Variants in TRMT11 observed in about 807,000 individuals in gnomAD.
The protein encoded by TRMT11 is tRNA methyltransferase 11, also known as tRNA (guanine(10)-N(2))-methyltransferase TRMT11.
In TRMT11, 53 loss-of-function variants were observed where a neutral mutation model predicts 62.8. The ratio of observed to expected loss-of-function variants is 0.84; its 90% CI spans 0.68 to 1.06. The LOEUF (loss-of-function observed/expected upper bound fraction) is 1.06. Ranked by LOEUF, TRMT11 falls within the 50% of genes least tolerant of loss-of-function variation. The pLI is 0.00. For synonymous variants in TRMT11, 188 were observed against 190.3 expected (o/e 0.99, Z 0.10); for missense variants, 556 against 553.4 (o/e 1.00, Z -0.05).
chr6:126,095,556 A>T (rs1777330623), intron 17 of TRMT11, among the ~76,000 whole-genome samples: 1 of 152,150 alleles, frequency 6.6e-6, no homozygotes, highest in South Asian at 2.1e-4. Flanking sequence ...AGATCACGTT[A>T]TTCAGTCAGC....
downstream of TRMT11, among the ~76,000 whole-genome samples, chr6:126,039,940 T>G (rs1428291153): frequency 6.6e-6 from 1 of 152,136 alleles, no homozygotes; most frequent in Non-Finnish European, 1.5e-5. Context: ...TCTCTTTTTC[T>G]TGTCTTGCAG....
At chr6:126,135,732 G>GC (rs1298142396) in intron 21 of TRMT11, among the ~76,000 whole-genome samples, 1 of 151,338 alleles carries the variant, frequency 6.6e-6, no homozygotes, top group Non-Finnish European at 1.5e-5. Context: ...AAGCAAAAAT[G>GC]CCCCCAAAAA....
At chr6:126,185,240 G>A (rs768647900) in intron 1 of TRMT11, among the ~76,000 whole-genome samples, 1 of 152,130 alleles carries the variant, frequency 6.6e-6, no homozygotes, top group Non-Finnish European at 1.5e-5. Context: ...AGAGTCAGTA[G>A]GACTAGTATA....
At chr6:126,228,241 G>A in the TRMT11 span, among the ~76,000 whole-genome samples, 32 of 152,292 alleles carry the variant, frequency 2.1e-4, no homozygotes, top group Admixed American at 1.5e-3. Flanking sequence ...AGTCCTGATC[G>A]TTTTAAATGG....
In TRMT11 at chr6:125,995,948, A is replaced by G. The variant is rs1162797282; in HGVS notation, c.139-19A>G. 6 of 1,510,932 alleles carry G rather than the reference A, an allele frequency of 4.0e-6. No individual in the cohort carries two copies. In the Admixed American group the frequency reaches 8.4e-5, roughly 21 times the overall value. 93.6% of individuals were successfully genotyped at this position (1,510,932 alleles called of 1,614,324 possible). A position where few individuals can be genotyped will look rare whatever the true frequency, so the allele number is the denominator to read the frequency against. On this transcript the variant is annotated intron_variant, in intron 2 of 12. Transcript: ENST00000334379. ...ATGTAGCCACTTAGAATTAAGTTGC[A>G]TATTGTTATTTCTTTTAGTCACCAT...
chr6:126,086,241 C>T (rs1038125732), intron 17 of TRMT11, among the ~76,000 whole-genome samples: 2 of 152,156 alleles, frequency 1.3e-5, no homozygotes, highest in African/African-American at 4.8e-5. Context: ...GAATGAATTA[C>T]TTAAACATCC....
At chr6:126,149,879 A>G (rs1469217801) in intron 21 of TRMT11, among the ~76,000 whole-genome samples, 1 of 152,232 alleles carries the variant, frequency 6.6e-6, no homozygotes, top group East Asian at 1.9e-4. Flanking sequence ...TTCTGAAAAG[A>G]TAAAAGTGGA....
chr6:125,994,868 T>A (rs1231939186), intron 2 of TRMT11, among the ~76,000 whole-genome samples: 1 of 152,170 alleles, frequency 6.6e-6, no homozygotes, highest in Non-Finnish European at 1.5e-5. Context: ...CTCAGCAAAC[T>A]AATGCAGGAA....
At position 125,998,274 on chromosome 6, in the gene TRMT11, A is replaced by C. The variant is rs775624353; in HGVS notation, c.346A>C (p.Asn116His). 1.2e-6 allele frequency: 2 copies of C among 1,602,960 alleles called. No homozygotes were observed. Among genetic ancestry groups the C allele is most frequent in the Admixed American group, 3.3e-5 (2 of 59,748 alleles). ...ATATAAAATAAAGATTCACACTTTT[A>C]ATAAGACATTGACACAAGAAGAGAA... Reference protein sequence around the residue: ...STYKIKIHTFNKTLTQEEKIK... With the variant: ...STYKIKIHTFHKTLTQEEKIK... The change falls in exon 5 of 13, where the codon AAT becomes CAT. Residue 116 changes from asparagine (N) to histidine (H), a missense_variant. Coordinates refer to ENST00000334379, the MANE Select transcript of TRMT11 (RefSeq NM_001031712.3).
At chr6:126,268,719 A>C in the TRMT11 span, among the ~76,000 whole-genome samples, 1 of 152,182 alleles carries the variant, frequency 6.6e-6, no homozygotes, top group Non-Finnish European at 1.5e-5. Context: ...GTTCTGGAAC[A>C]TTTTATTCAA....
chr6:126,005,919 TC>T (rs1272887870), intron 7 of TRMT11, among the ~76,000 whole-genome samples: 1 of 151,960 alleles, frequency 6.6e-6, no homozygotes, highest in Non-Finnish European at 1.5e-5. Context: ...CTTGGCCATG[TC>T]TACCTTCAGA....
intron 1 of TRMT11, among the ~76,000 whole-genome samples, chr6:126,198,032 A>G (rs1778687359): frequency 6.6e-6 from 1 of 152,228 alleles, no homozygotes; most frequent in Non-Finnish European, 1.5e-5. Flanking sequence ...GAAAGAATGA[A>G]TGTAGTCTTT....
intron 7 of TRMT11, among the ~76,000 whole-genome samples, chr6:126,003,754 T>A (rs980270305): frequency 2.0e-5 from 3 of 152,070 alleles, no homozygotes; most frequent in African/African-American, 7.2e-5. Context: ...TCAAGGTCCT[T>A]TGTAAGCTTG....
chr6:126,042,122 A>G (rs1049601802), downstream of TRMT11, among the ~76,000 whole-genome samples: 3 of 152,190 alleles, frequency 2.0e-5, no homozygotes, highest in African/African-American at 7.2e-5. Context: ...GAGTGGTTTG[A>G]GAACATAGTG....
At chr6:126,224,802 G>A in the TRMT11 span, among the ~76,000 whole-genome samples, 1 of 152,214 alleles carries the variant, frequency 6.6e-6, no homozygotes, top group African/African-American at 2.4e-5. Context: ...CAGTGGCAGT[G>A]GGGCAACAAG....
intron 21 of TRMT11, among the ~76,000 whole-genome samples, chr6:126,148,829 CAATT>C (rs1026357198): frequency 2.0e-5 from 3 of 152,022 alleles, no homozygotes; most frequent in African/African-American, 4.8e-5. Flanking sequence ...GTAAATGTAA[CAATT>C]AACATTAAAA....
chr6:125,988,884 C>A (rs1790119037), intron 1 of TRMT11, among the ~76,000 whole-genome samples: 1 of 152,046 alleles, frequency 6.6e-6, no homozygotes. Context: ...TTTTGAGTTT[C>A]TGGAGGAAAT....
intron 17 of TRMT11, among the ~76,000 whole-genome samples, chr6:126,099,957 G>A (rs769760738): frequency 6.6e-6 from 1 of 152,116 alleles, no homozygotes; most frequent in African/African-American, 2.4e-5. Context: ...CTTCAGAGGG[G>A]CCTGGCTGAG....
chr6:126,021,368 A>G (rs1300927947), intron 12 of TRMT11, 88 bp downstream of exon 12: 4 of 1,451,696 alleles, frequency 2.8e-6, no homozygotes, highest in African/African-American at 2.8e-5. Flanking sequence ...GAGTTTGGAA[A>G]TGTTATTCCT....
Sources: allele counts gnomAD v4.1 joint callset (sites outside exome capture counted in the v4.1 genomes callset), GRCh38; gene constraint gnomAD v4.1.1; transcripts MANE v1.5; gene names NCBI Gene and HGNC (gene_info 2026-07-23, HGNC 2026-07-21).